Variants in ANKS1B observed in about 807,000 individuals in gnomAD.
The protein encoded by ANKS1B is ankyrin repeat and sterile alpha motif domain-containing protein 1B.
Under a neutral mutation model 148.3 loss-of-function variants are expected in ANKS1B, and 36 were observed. The observed-to-expected ratio is 0.24, with a 90% CI of 0.19 to 0.32. The LOEUF (loss-of-function observed/expected upper bound fraction) is 0.32, where lower values mean the gene tolerates loss of function less well. ANKS1B is among the 10% of genes least tolerant of loss of function. The pLI is 1.00. For synonymous variants in ANKS1B, 542 were observed against 560.8 expected (o/e 0.97, Z 0.47); for missense variants, 1,157 against 1,542.6 (o/e 0.75, Z 4.19).
intron 12 of ANKS1B, 141 bp downstream of exon 12, chr12:99,399,490 T>A: frequency 1.2e-6 from 1 of 806,702 alleles, no homozygotes; most frequent in South Asian, 2.0e-5. Flanking sequence ...CTGACAAGAA[T>A]CTTAAAGCCC....
chr12:99,977,720 G>C (rs2095646319), intron 1 of ANKS1B, among the ~76,000 whole-genome samples: 1 of 152,138 alleles, frequency 6.6e-6, no homozygotes, highest in South Asian at 2.1e-4. Flanking sequence ...TTTTCAACTG[G>C]CATTGTGCCT....
intron 17 of ANKS1B, among the ~76,000 whole-genome samples, chr12:98,851,309 T>C (rs2099524094): frequency 6.6e-6 from 1 of 152,022 alleles, no homozygotes; most frequent in African/African-American, 2.4e-5. Context: ...GTGTGAAAAG[T>C]AGGGAGTGGC....
At chr12:99,334,678 A>G (rs1433441417) in intron 12 of ANKS1B, among the ~76,000 whole-genome samples, 1 of 152,090 alleles carries the variant, frequency 6.6e-6, no homozygotes, top group East Asian at 1.9e-4. Flanking sequence ...TGAAAGAATA[A>G]TAATAGCCTT....
At chr12:98,913,432 G>C (rs1255383250) in intron 17 of ANKS1B, among the ~76,000 whole-genome samples, 1 of 151,998 alleles carries the variant, frequency 6.6e-6, no homozygotes, top group Non-Finnish European at 1.5e-5. Flanking sequence ...CTAAATGTTG[G>C]ATCCTCCAAG....
At chr12:98,936,940 T>C (rs935825191) in intron 17 of ANKS1B, among the ~76,000 whole-genome samples, 2 of 152,238 alleles carry the variant, frequency 1.3e-5, no homozygotes, top group African/African-American at 4.8e-5. Flanking sequence ...GTGGCCTTAG[T>C]AGTGATCTTA....
intron 22 of ANKS1B, among the ~76,000 whole-genome samples, chr12:98,785,691 C>G (rs771406935): frequency 4.6e-5 from 7 of 152,240 alleles, no homozygotes; most frequent in Admixed American, 1.3e-4. Context: ...ATTCTTTTCT[C>G]CTTCCCAGGG....
At chr12:99,357,996 T>C (rs947566344) in intron 12 of ANKS1B, among the ~76,000 whole-genome samples, 1 of 152,144 alleles carries the variant, frequency 6.6e-6, no homozygotes, top group African/African-American at 2.4e-5. Context: ...GTTTTTCCAA[T>C]TGAATACTAT....
intron 9 of ANKS1B, among the ~76,000 whole-genome samples, chr12:99,620,370 A>G (rs1407785237): frequency 6.6e-6 from 1 of 152,200 alleles, no homozygotes; most frequent in South Asian, 2.1e-4. Context: ...CTCTCCAGCA[A>G]TGGTCCCTAG....
chr12:99,159,080 C>A (rs558784460), intron 14 of ANKS1B, among the ~76,000 whole-genome samples: 2 of 152,094 alleles, frequency 1.3e-5, no homozygotes, highest in Non-Finnish European at 2.9e-5. Flanking sequence ...GTTCCATGCC[C>A]AGAAAGGTAA....
chr12:99,106,270 C>T (rs1480269726), intron 15 of ANKS1B, among the ~76,000 whole-genome samples: 1 of 152,206 alleles, frequency 6.6e-6, no homozygotes, highest in Non-Finnish European at 1.5e-5. Context: ...CATCAGCCGA[C>T]ATCATGGCAT....
At chr12:99,978,611 T>G (rs981661846) in intron 1 of ANKS1B, among the ~76,000 whole-genome samples, 4 of 152,236 alleles carry the variant, frequency 2.6e-5, no homozygotes, top group Non-Finnish European at 2.9e-5. Flanking sequence ...GCAGTTTCCC[T>G]GAAAGTGAGT....
At chr12:99,889,295 A>G (rs2092982397) in intron 1 of ANKS1B, among the ~76,000 whole-genome samples, 2 of 152,202 alleles carry the variant, frequency 1.3e-5, no homozygotes, top group South Asian at 2.1e-4. Context: ...GGTAAGTAAC[A>G]TAATTATCCA....
intron 12 of ANKS1B, among the ~76,000 whole-genome samples, chr12:99,290,926 G>A (rs1281853129): frequency 6.6e-6 from 1 of 151,988 alleles, no homozygotes; most frequent in Non-Finnish European, 1.5e-5. Context: ...TCCTAGTAGA[G>A]TAATCAGACA....
Position 99,835,248 on chromosome 12 carries a change from C to CAA in ANKS1B, c.135-9861_135-9860dup, listed in dbSNP as rs1191460160. Among the ~76,000 whole-genome samples the CAA allele has an allele frequency of 1.7e-3, 144 of 86,954 alleles. 1 individual carries two copies. The highest frequency in any genetic ancestry group is 4.0e-3 in the Admixed American group (30 of 7,486). The allele number at this position is 86,954 out of a possible 152,430, so 57.0% of individuals were successfully genotyped here. ...GCAACAAGGTGAAACCCCATCTCTA[C>CAA]AAAAAAAAAAAAAAAAAAACACAAA... On this transcript the variant is annotated intron_variant, in intron 1 of 26. Coordinates refer to ENST00000683438, the MANE Select transcript of ANKS1B (RefSeq NM_001352186.2).
intron 10 of ANKS1B, among the ~76,000 whole-genome samples, chr12:99,479,851 T>C (rs2096382662): frequency 6.6e-6 from 1 of 151,888 alleles, no homozygotes; most frequent in South Asian, 2.1e-4. Flanking sequence ...TAATACATTG[T>C]ATATTTCAAA....
chr12:99,732,031 G>C (rs2059210315), intron 8 of ANKS1B, among the ~76,000 whole-genome samples: 1 of 152,140 alleles, frequency 6.6e-6, no homozygotes, highest in Admixed American at 6.6e-5. Flanking sequence ...AAGAAGATAT[G>C]AAAAATGGCA....
intron 12 of ANKS1B, among the ~76,000 whole-genome samples, chr12:99,391,474 C>T (rs1434838483): frequency 1.3e-5 from 2 of 152,142 alleles, no homozygotes; most frequent in Non-Finnish European, 2.9e-5. Flanking sequence ...TCTTCCTTCC[C>T]CACCTTGGCC....
chr12:99,797,926 T>C, intron 4 of ANKS1B, among the ~76,000 whole-genome samples: 1 of 151,960 alleles, frequency 6.6e-6, no homozygotes, highest in Non-Finnish European at 1.5e-5. Context: ...TGGCGTTATA[T>C]ATTTCTGTGA....
At chr12:99,606,438 AAGT>A (rs58952754) in intron 9 of ANKS1B, among the ~76,000 whole-genome samples, 2,119 of 152,118 alleles carry the variant, frequency 0.014, 41 homozygotes, top group African/African-American at 0.048. Flanking sequence ...TTCTAGTTAA[AAGT>A]AGCAAACTTT....
Sources: gnomAD v4.1 joint callset for allele counts (sites outside exome capture counted in the v4.1 genomes callset) on GRCh38, gnomAD v4.1.1 for gene constraint, MANE v1.5 for transcripts, NCBI Gene and HGNC (gene_info 2026-07-23, HGNC 2026-07-21) for gene names.